Variants in C8orf74 observed in about 807,000 individuals in gnomAD.
The protein encoded by C8orf74 is chromosome 8 open reading frame 74.
In C8orf74, 29 loss-of-function variants were observed where a neutral mutation model predicts 22.2. The ratio of observed to expected loss-of-function variants is 1.31; its 90% CI spans 0.97 to 1.78. C8orf74 has a LOEUF of 1.78. Among genes scored for constraint, C8orf74 ranks in the 40% most tolerant of loss-of-function variants. The probability of loss-of-function intolerance (pLI) is 0.00; values close to 1 mark genes in which losing one functional copy is unlikely to be tolerated. For missense variants in C8orf74, 515 were observed against 369.9 expected, an observed-to-expected ratio of 1.39 and a Z score of -3.22; for synonymous variants, 255 against 163.1, an observed-to-expected ratio of 1.56 and a Z score of -4.30.
At chr8:10,696,948 C>T (rs1799530079) in intron 2 of C8orf74, among the ~76,000 whole-genome samples, 2 of 141,616 alleles carry the variant, frequency 1.4e-5, no homozygotes, top group Admixed American at 6.9e-5. Context: ...TAGCTTATGC[C>T]CAGGAGTTCG....
rs954869655 is a variant in C8orf74 at position 10,699,863 on chromosome 8, G to A, written c.649-372G>A. On this transcript the variant is annotated intron_variant, in intron 3 of 3. Coordinates refer to ENST00000304519, the MANE Select transcript of C8orf74 (RefSeq NM_001040032.2). ...ACTGGCCGATGGGCCCAGAACAAATGACACACTCAAACAGCCTGGCCGTCA... is the reference window on the plus strand; with the variant it reads ...ACTGGCCGATGGGCCCAGAACAAATAACACACTCAAACAGCCTGGCCGTCA... 5.9e-5 allele frequency among the ~76,000 whole-genome samples: 9 copies of A among 152,224 alleles called. No homozygotes were observed. In the East Asian group the frequency reaches 1.7e-3, roughly 29 times the overall value.
At chr8:10,693,994 G>C (rs184841266) in intron 2 of C8orf74, among the ~76,000 whole-genome samples, 1 of 152,220 alleles carries the variant, frequency 6.6e-6, no homozygotes, top group African/African-American at 2.4e-5. Context: ...CCAGGCTGCT[G>C]CCTGCTCCTC....
intron 2 of C8orf74, among the ~76,000 whole-genome samples, chr8:10,677,834 G>C (rs1050811489): frequency 3.9e-5 from 6 of 152,176 alleles, no homozygotes; most frequent in African/African-American, 1.4e-4. Context: ...CAGGTACACA[G>C]ATTGGCATCA....
intron 2 of C8orf74, among the ~76,000 whole-genome samples, chr8:10,676,407 AC>A (rs766147173): frequency 1.3e-5 from 2 of 149,654 alleles, no homozygotes; most frequent in East Asian, 3.9e-4. Flanking sequence ...CACCATTTCC[AC>A]CCCCCTCTCT....
rs546082377 is a variant in C8orf74, at chr8:10,696,441, C to CTTT, written c.242-1138_242-1136dup. On this transcript the variant is annotated intron_variant, in intron 2 of 3. Coordinates refer to ENST00000304519, the MANE Select transcript of C8orf74 (RefSeq NM_001040032.2). ...TTTTTCTTTTCTTTTCTTTTCTTTT[C>CTTT]TTTTTTTTTTTTTTTTTTTTTTGAG... Among the ~76,000 whole-genome samples, 173 of 102,390 alleles carry CTTT rather than the reference C, an allele frequency of 1.7e-3. 1 individual carries two copies. Among genetic ancestry groups the CTTT allele is most frequent in the Non-Finnish European group, 2.1e-3 (109 of 52,594 alleles). The allele number at this position is 102,390 out of a possible 152,430, so 67.2% of individuals were successfully genotyped here. A position where few individuals can be genotyped will look rare whatever the true frequency, so the allele number is the denominator to read the frequency against.
intron 2 of C8orf74, among the ~76,000 whole-genome samples, chr8:10,684,080 G>C (rs1799211769): frequency 6.6e-6 from 1 of 152,150 alleles, no homozygotes; most frequent in Non-Finnish European, 1.5e-5. Flanking sequence ...AGGGGATGAT[G>C]ATCATAATCT....
At position 10,697,947 on chromosome 8, in the gene C8orf74, T is replaced by C. The variant is rs1472708113; in HGVS notation, c.590T>C (p.Leu197Pro). 6.4e-7 allele frequency: 1 copy of C among 1,569,162 alleles called. No individual in the cohort carries two copies. Among genetic ancestry groups the C allele is most frequent in the Non-Finnish European group, 8.6e-7 (1 of 1,158,920 alleles). Residue 197 changes from leucine to proline, a missense_variant, in exon 3 of 4, where the codon CTG becomes CCG. By Grantham distance (98) the Leu-to-Pro change is moderately conservative. Transcript: ENST00000304519. ...EALRLERENSLQKAFAAAAPA... is the reference protein window; with the variant it reads ...EALRLERENSPQKAFAAAAPA... ...CTGCGCCTGGAGCGGGAGAACTCGC[T>C]GCAGAAGGCGTTCGCTGCCGCCGCG... is the stretch of plus-strand genomic sequence containing the variant.
intron 2 of C8orf74, among the ~76,000 whole-genome samples, chr8:10,683,319 C>T (rs544802701): frequency 3.3e-5 from 5 of 152,318 alleles, no homozygotes; most frequent in Non-Finnish European, 4.4e-5. Context: ...GCTAAGGTGT[C>T]CTGGCCTGGA....
At chr8:10,685,972 G>A (rs1010485754) in intron 2 of C8orf74, among the ~76,000 whole-genome samples, 19 of 152,190 alleles carry the variant, frequency 1.2e-4, no homozygotes, top group African/African-American at 4.3e-4. Context: ...AGGAGGCTGA[G>A]GCGGGAGAAT....
chr8:10,677,579 C>G (rs899510173), intron 2 of C8orf74, among the ~76,000 whole-genome samples: 2 of 152,146 alleles, frequency 1.3e-5, no homozygotes, highest in Non-Finnish European at 2.9e-5. Flanking sequence ...CACACCACCT[C>G]TTTTTTTATT....
intron 2 of C8orf74, among the ~76,000 whole-genome samples, chr8:10,695,994 C>G (rs1799488650): frequency 6.6e-6 from 1 of 152,188 alleles, no homozygotes; most frequent in African/African-American, 2.4e-5. Flanking sequence ...GTCCACAGTA[C>G]ATTTCCAGGA....
chr8:10,699,813 A>G (rs1442695969), intron 3 of C8orf74, among the ~76,000 whole-genome samples: 2 of 152,210 alleles, frequency 1.3e-5, no homozygotes, highest in African/African-American at 2.4e-5. Context: ...ATTGACCAGG[A>G]GGTAGGGTCT....
chr8:10,680,427 A>G (rs1650617678), intron 2 of C8orf74, among the ~76,000 whole-genome samples: 1 of 152,238 alleles, frequency 6.6e-6, no homozygotes, highest in Admixed American at 6.5e-5. Flanking sequence ...GTTCGCTACC[A>G]TATGGCTGGA....
At chr8:10,677,678 TTG>T (rs1257063667) in intron 2 of C8orf74, among the ~76,000 whole-genome samples, 4 of 152,136 alleles carry the variant, frequency 2.6e-5, no homozygotes, top group Non-Finnish European at 5.9e-5. Context: ...CCAGGTAGCC[TTG>T]TGTTTGCCAG....
At position 10,700,455 on chromosome 8, in the gene C8orf74, C is replaced by CGAA. The variant is rs1799633363; in HGVS notation, c.871_873dup (p.Lys291dup). On this transcript the variant is annotated inframe_insertion, in exon 4 of 4. Transcript: ENST00000304519. ...CAAAGAGCGAGCAAAGGAAAGAAAG[C>CGAA]GAAGGCAAGGAAGTAGAAGGTCCCG... 1 of 1,588,526 alleles carries CGAA rather than the reference C, an allele frequency of 6.3e-7. No homozygotes were observed. The highest frequency in any genetic ancestry group is 8.6e-7 in the Non-Finnish European group (1 of 1,167,500).
intron 2 of C8orf74, chr8:10,686,955 G>A (rs902995371): frequency 8.1e-6 from 3 of 368,552 alleles, no homozygotes; most frequent in African/African-American, 2.1e-5. Context: ...GTGGGGCCCC[G>A]TGCCCGCCCA....
intron 2 of C8orf74, among the ~76,000 whole-genome samples, chr8:10,678,378 T>C (rs546061781): frequency 6.6e-6 from 1 of 152,280 alleles, no homozygotes; most frequent in South Asian, 2.1e-4. Context: ...GGCACCTTTA[T>C]TTTTAGGAGA....
At chr8:10,698,386 A>T (rs372626677) in intron 3 of C8orf74, among the ~76,000 whole-genome samples, 1 of 152,076 alleles carries the variant, frequency 6.6e-6, no homozygotes, top group African/African-American at 2.4e-5. Context: ...GCTGCAGATT[A>T]TCCAGAGCCG....
chr8:10,675,013 C>T (rs1272608094), intron 2 of C8orf74, among the ~76,000 whole-genome samples, 175 bp downstream of exon 2: 1 of 152,226 alleles, frequency 6.6e-6, no homozygotes, highest in Non-Finnish European at 1.5e-5. Flanking sequence ...ACTCAGCCTT[C>T]CCAAACATCC....
Sources: gnomAD v4.1 joint callset for allele counts (sites outside exome capture counted in the v4.1 genomes callset) on GRCh38, gnomAD v4.1.1 for gene constraint, MANE v1.5 for transcripts, NCBI Gene and HGNC (gene_info 2026-07-23, HGNC 2026-07-21) for gene names.